CYFIP2: variants seen among roughly 807,000 people sequenced by gnomAD.
CYFIP2 encodes cytoplasmic FMR1 interacting protein 2.
Under a neutral mutation model 158.7 loss-of-function variants are expected in CYFIP2, and 29 were observed. That is an observed-to-expected ratio of 0.18 (90% CI 0.14 to 0.25). CYFIP2 has a LOEUF of 0.25. CYFIP2 is among the 10% of genes least tolerant of loss of function. The pLI is 1.00. For synonymous variants in CYFIP2, 585 were observed against 617.6 expected (o/e 0.95, Z 0.78); for missense variants, 852 against 1,639.5 (o/e 0.52, Z 8.29).
At chr5:157,349,719 T>G (rs1348513064) in intron 23 of CYFIP2, among the ~76,000 whole-genome samples, 1 of 152,244 alleles carries the variant, frequency 6.6e-6, no homozygotes, top group African/African-American at 2.4e-5. Context: ...TTGTACTGGT[T>G]TACATTCCCA....
At position 157,341,090 on chromosome 5, in the gene CYFIP2, C is replaced by G; in HGVS notation, c.2606C>G (p.Pro869Arg). The change falls in exon 23 of 31, where the codon CCT (proline) becomes CGT (arginine). Residue 869 changes from proline (P) to arginine (R), a missense_variant. Physicochemically the swap from Pro to Arg is moderately radical, Grantham distance 103 (BLOSUM62 -2). Coordinates refer to ENST00000620254, the MANE Select transcript of CYFIP2 (RefSeq NM_001037333.3). ...STNRFVRTAI[P>R]FTQEPQRDKP... ...ACTAGTTTTGTGCGGACTGCCATTC[C>G]TTTCACCCAAGAACCACAACGAGAC... 6.2e-7 allele frequency: 1 copy of G among 1,613,980 alleles called. No individual in the cohort carries two copies. Among genetic ancestry groups the G allele is most frequent in the Non-Finnish European group, 8.5e-7 (1 of 1,179,886 alleles).
intron 2 of CYFIP2, 45 bp from the exon 3 acceptor site, chr5:157,286,974 A>G (rs746422045): frequency 6.5e-7 from 1 of 1,544,882 alleles, no homozygotes. Flanking sequence ...CCAACTTGGA[A>G]CTGTTTTCTA....
intron 8 of CYFIP2, among the ~76,000 whole-genome samples, chr5:157,306,245 C>T (rs62383013): frequency 0.021 from 3,238 of 152,250 alleles, 54 homozygotes; most frequent in South Asian, 0.071. Context: ...GGCTGAGTGG[C>T]TTTGAGACTT....
At chr5:157,330,140 TC>T (rs1475235814) in intron 19 of CYFIP2, among the ~76,000 whole-genome samples, 1 of 152,146 alleles carries the variant, frequency 6.6e-6, no homozygotes, top group Non-Finnish European at 1.5e-5. Flanking sequence ...CTCCAAATGA[TC>T]CCATTTTCTT....
chr5:157,359,289 C>A, intron 24 of CYFIP2, 141 bp downstream of exon 24: 1 of 848,966 alleles, frequency 1.2e-6, no homozygotes, highest in South Asian at 1.7e-5. Flanking sequence ...CAAGGAGTTC[C>A]CTTGCCCATA....
chr5:157,286,500 G>T (rs1270479892), intron 2 of CYFIP2, among the ~76,000 whole-genome samples: 2 of 146,834 alleles, frequency 1.4e-5, no homozygotes, highest in African/African-American at 5.0e-5. Context: ...ACCACATTAG[G>T]CTTAGCCACC....
intron 26 of CYFIP2, among the ~76,000 whole-genome samples, chr5:157,381,218 A>G (rs1561785227): frequency 1.3e-5 from 2 of 152,206 alleles, no homozygotes; most frequent in African/African-American, 2.4e-5. Context: ...CCACTGAGAC[A>G]TAACCACTAC....
intron 1 of CYFIP2, among the ~76,000 whole-genome samples, chr5:157,267,398 A>T (rs1414704784): frequency 1.3e-5 from 2 of 152,124 alleles, no homozygotes; most frequent in Non-Finnish European, 2.9e-5. Context: ...TTACTCTTGG[A>T]TACAGGCTGT....
At chr5:157,333,579 C>A in intron 21 of CYFIP2, 133 bp downstream of exon 21, 4 of 1,293,284 alleles carry the variant, frequency 3.1e-6, no homozygotes, top group Non-Finnish European at 4.3e-6. Context: ...CTGAATGGAG[C>A]TGGGAAAGAA....
intron 24 of CYFIP2, among the ~76,000 whole-genome samples, chr5:157,360,023 G>A (rs1215349752): frequency 6.6e-6 from 1 of 152,220 alleles, no homozygotes; most frequent in Non-Finnish European, 1.5e-5. Context: ...CTCTTTGTCT[G>A]AATCTGCTAT....
At chr5:157,326,779 G>A (rs550354637) in intron 18 of CYFIP2, among the ~76,000 whole-genome samples, 12 of 152,290 alleles carry the variant, frequency 7.9e-5, no homozygotes, top group African/African-American at 1.7e-4. Context: ...AGGGAGGTCC[G>A]CTGATGACCC....
chr5:157,283,452 T>C (rs185008020), intron 1 of CYFIP2, among the ~76,000 whole-genome samples: 345 of 152,242 alleles, frequency 2.3e-3, no homozygotes, highest in African/African-American at 8.0e-3. Flanking sequence ...TTTTCTTTTC[T>C]TTCAATGGAT....
At chr5:157,380,524 G>T (rs1050014641) in intron 26 of CYFIP2, among the ~76,000 whole-genome samples, 1 of 152,126 alleles carries the variant, frequency 6.6e-6, no homozygotes, top group Non-Finnish European at 1.5e-5. Flanking sequence ...AGGTGGTTTT[G>T]TCTCCAAAAA....
At chr5:157,331,620 T>A (rs1309741545) in intron 20 of CYFIP2, among the ~76,000 whole-genome samples, 1 of 151,802 alleles carries the variant, frequency 6.6e-6, no homozygotes, top group Non-Finnish European at 1.5e-5. Context: ...GGAGAATCAT[T>A]AAGAGGGGGG....
intron 3 of CYFIP2, 61 bp from the exon 4 acceptor site, chr5:157,294,722 C>T: frequency 6.9e-7 from 1 of 1,454,498 alleles, no homozygotes; most frequent in Admixed American, 1.7e-5. Flanking sequence ...GATCTGGGGG[C>T]TTTTGCAGCC....
intron 1 of CYFIP2, among the ~76,000 whole-genome samples, chr5:157,274,124 CTG>C (rs1200604394): frequency 8.3e-6 from 1 of 120,836 alleles, no homozygotes; most frequent in Admixed American, 9.2e-5. Context: ...GAGTGAAACT[CTG>C]TGTAAAAAAA....
chr5:157,335,730 T>G (rs1194043833), intron 21 of CYFIP2, among the ~76,000 whole-genome samples: 1 of 152,170 alleles, frequency 6.6e-6, no homozygotes, highest in Non-Finnish European at 1.5e-5. Context: ...GAGAAATCAT[T>G]TGGTCACCTC....
chr5:157,303,089 T>C (rs1040752549), intron 7 of CYFIP2, 199 bp downstream of exon 7: 1 of 530,616 alleles, frequency 1.9e-6, no homozygotes, highest in Non-Finnish European at 3.4e-6. Flanking sequence ...CCCTCTCCAG[T>C]TGTCATGCTC....
chr5:157,343,578 C>T, intron 23 of CYFIP2: 1 of 1,468,696 alleles, frequency 6.8e-7, no homozygotes, highest in Non-Finnish European at 9.2e-7. Flanking sequence ...GTGACATCCC[C>T]TGATTTAAGT....
Sources: gnomAD v4.1 joint callset for allele counts (sites outside exome capture counted in the v4.1 genomes callset) on GRCh38, gnomAD v4.1.1 for gene constraint, MANE v1.5 for transcripts, NCBI Gene and HGNC (gene_info 2026-07-23, HGNC 2026-07-21) for gene names.